TMPO: variants seen among roughly 807,000 people sequenced by gnomAD.
TMPO encodes the protein LEM domain containing 4.
Under a neutral mutation model 45.4 loss-of-function variants are expected in TMPO, and 22 were observed. The observed-to-expected ratio is 0.48, with a 90% CI of 0.35 to 0.69. The LOEUF (loss-of-function observed/expected upper bound fraction) is 0.69. Among genes scored for constraint, TMPO ranks in the 30% least tolerant of loss-of-function variants. TMPO has a pLI of 0.01. For missense variants in TMPO, 512 were observed against 548.8 expected (o/e 0.93, Z 0.67); for synonymous variants, 241 against 204.1 (o/e 1.18, Z -1.54).
intron 3 of TMPO, chr12:98,535,254 T>A (rs1003773698): frequency 1.0e-5 from 10 of 983,014 alleles, no homozygotes; most frequent in African/African-American, 1.7e-5. Context: ...AGTTTAGCAA[T>A]ATAGACTCTA....
chr12:98,538,975 C>T (rs553151257), intron 4 of TMPO, among the ~76,000 whole-genome samples: 216 of 151,910 alleles, frequency 1.4e-3, no homozygotes, highest in African/African-American at 4.9e-3. Context: ...CCGAGGCGGG[C>T]GGATCACCTG....
At chr12:98,526,756 G>T (rs1161316109) in intron 1 of TMPO, among the ~76,000 whole-genome samples, 1 of 151,938 alleles carries the variant, frequency 6.6e-6, no homozygotes, top group Non-Finnish European at 1.5e-5. Context: ...TCAAGAGATC[G>T]AGACCATTCT....
At chr12:98,534,819 A>G (rs1468656026) in intron 3 of TMPO, 8 of 1,001,460 alleles carry the variant, frequency 8.0e-6, no homozygotes, top group Non-Finnish European at 9.5e-6. Context: ...TTTTGCTCAT[A>G]TTTTCTTACT....
intron 3 of TMPO, chr12:98,532,121 G>C: frequency 2.8e-6 from 1 of 357,990 alleles, no homozygotes; most frequent in Non-Finnish European, 5.2e-6. Context: ...TACAAGTAAA[G>C]GCAAAGTTTC....
intron 3 of TMPO, among the ~76,000 whole-genome samples, chr12:98,535,843 A>G (rs975308949): frequency 6.6e-6 from 1 of 152,176 alleles, no homozygotes; most frequent in African/African-American, 2.4e-5. Flanking sequence ...ATCTAAATTT[A>G]TAAGAGGAAT....
chr12:98,537,375 T>C lies in TMPO; in HGVS notation c.566-100T>C. 3.1e-6 allele frequency: 3 copies of C among 981,184 alleles called. No homozygotes were observed. In the South Asian group the frequency reaches 4.3e-5, roughly 14 times the overall value. The allele number at this position is 981,184 out of a possible 1,614,324, so 60.8% of individuals were successfully genotyped here. On this transcript the variant is annotated intron_variant, in intron 3 of 8. Coordinates refer to ENST00000556029, the MANE Select transcript of TMPO (RefSeq NM_001032283.3). ...TTACCAGTAGACTTGTTTTTCACCT[T>C]TTAATGTGCCTAAAACCAGGGTTCC...
At chr12:98,521,397 C>G (rs1876356000) in intron 1 of TMPO, among the ~76,000 whole-genome samples, 1 of 152,028 alleles carries the variant, frequency 6.6e-6, no homozygotes, top group Admixed American at 6.5e-5. Context: ...CAGACGTGAG[C>G]CACCGTGCCC....
In TMPO at chr12:98,537,517, A is replaced by C; in HGVS notation, c.608A>C (p.Lys203Thr). ...AAGCTTGAGAAGAGAGAACCACTAA[A>C]GGGCAGAGCAAAGACTCCAGTAACA... is the stretch of plus-strand genomic sequence containing the variant. ...ELKLEKREPLKGRAKTPVTLK... is the reference protein window; with the variant it reads ...ELKLEKREPLTGRAKTPVTLK... Residue 203 changes from lysine to threonine, a missense_variant, in exon 4 of 9, where the codon AAG (lysine) becomes ACG (threonine). Lys to Thr is a moderately conservative substitution (Grantham distance 78). Transcript: ENST00000556029. The C allele has an allele frequency of 6.2e-7, 1 of 1,613,744 alleles. No individual in the cohort carries two copies. Among genetic ancestry groups the C allele is most frequent in the Non-Finnish European group, 8.5e-7 (1 of 1,179,794 alleles).
intron 3 of TMPO, chr12:98,534,565 C>G: frequency 4.5e-6 from 6 of 1,330,864 alleles, no homozygotes; most frequent in Non-Finnish European, 3.9e-6. Flanking sequence ...TTAACGCTTT[C>G]TAGATCACAT....
At chr12:98,546,874 GT>G (rs573395908) in intron 8 of TMPO, among the ~76,000 whole-genome samples, 86 of 152,184 alleles carry the variant, frequency 5.7e-4, no homozygotes, top group African/African-American at 1.9e-3. Context: ...GTGAGAAATA[GT>G]TTTTCCCCCC....
chr12:98,546,223 T>C (rs556066947), intron 7 of TMPO, 136 bp from the exon 8 acceptor site: 2 of 692,494 alleles, frequency 2.9e-6, no homozygotes, highest in Admixed American at 4.4e-5. Context: ...AAATAATAAT[T>C]TAGAAATGGC....
intron 4 of TMPO, among the ~76,000 whole-genome samples, chr12:98,542,602 C>T (rs924072637): frequency 6.6e-6 from 1 of 152,156 alleles, no homozygotes; most frequent in Non-Finnish European, 1.5e-5. Context: ...TGGCTCACAC[C>T]TGTAATCCCC....
At chr12:98,518,470 CTTTTTTTTTTTTTTT>C (rs11437786) in intron 1 of TMPO, among the ~76,000 whole-genome samples, 1 of 83,538 alleles carries the variant, frequency 1.2e-5, no homozygotes, top group Non-Finnish European at 2.2e-5. Context: ...ATTTTCTAAT[CTTTTTTTTTTTTTTT>C]TTTTTTTTTG....
chr12:98,535,705 A>G (rs1877525175), intron 3 of TMPO: 6 of 964,128 alleles, frequency 6.2e-6, no homozygotes, highest in African/African-American at 1.8e-5. Flanking sequence ...AAATATTTGT[A>G]TATGAACACC....
At chr12:98,527,540 A>AAG in intron 1 of TMPO, 1 of 221,234 alleles carries the variant, frequency 4.5e-6, no homozygotes, top group East Asian at 1.3e-4. Context: ...AAAAAAAAAA[A>AAG]AAGGTTATTT....
At chr12:98,535,412 C>T (rs536973153) in intron 3 of TMPO, 3 of 985,282 alleles carry the variant, frequency 3.0e-6, no homozygotes, top group South Asian at 4.7e-5. Context: ...AAAGTAGTAG[C>T]CTTAAGCATA....
intron 1 of TMPO, chr12:98,527,653 T>C: frequency 6.1e-6 from 3 of 495,198 alleles, no homozygotes; most frequent in Middle Eastern, 5.6e-4. Flanking sequence ...ATGGACTATT[T>C]TAACAACAAT....
intron 1 of TMPO, among the ~76,000 whole-genome samples, chr12:98,520,082 C>T (rs995513554): frequency 6.6e-6 from 1 of 151,630 alleles, no homozygotes; most frequent in African/African-American, 2.4e-5. Flanking sequence ...GCCTCAGCCT[C>T]CCAAGTAGCT....
In TMPO at chr12:98,549,927, T is replaced by G. The variant is rs1878445644; in HGVS notation, c.*2069T>G. The G allele has an allele frequency of 6.6e-6, 1 of 152,200 alleles. No homozygotes were observed. Among genetic ancestry groups the G allele is most frequent in the Non-Finnish European group, 1.5e-5 (1 of 68,018 alleles). The allele number at this position is 152,200 out of a possible 1,614,324, so 9.4% of individuals were successfully genotyped here. ...ATGTTTGCCTCTCTGAGTAAAATGT[T>G]TCTTTCAGATGAGCCATAGAGGGGG... On this transcript the variant is annotated 3_prime_UTR_variant, in exon 9 of 9. Coordinates refer to ENST00000556029, the MANE Select transcript of TMPO (RefSeq NM_001032283.3).
Sources: gnomAD v4.1 joint callset for allele counts (sites outside exome capture counted in the v4.1 genomes callset) on GRCh38, gnomAD v4.1.1 for gene constraint, MANE v1.5 for transcripts, NCBI Gene and HGNC (gene_info 2026-07-23, HGNC 2026-07-21) for gene names.